NFE2L2: variants seen among roughly 807,000 people sequenced by gnomAD.
NFE2L2 encodes the protein nuclear factor erythroid 2-related factor 2.
NFE2L2 carries 20 observed loss-of-function variants against 49.6 expected under a neutral mutation model. The observed-to-expected ratio is 0.40, with a 90% CI of 0.28 to 0.59. The LOEUF (loss-of-function observed/expected upper bound fraction) is 0.59, where lower values mean the gene tolerates loss of function less well. Ranked by LOEUF, NFE2L2 falls within the 20% of genes least tolerant of loss-of-function variation. The pLI, the probability that NFE2L2 is intolerant of heterozygous loss-of-function variation, is 0.40. For synonymous variants in NFE2L2, 244 were observed against 256.5 expected (o/e 0.95, Z 0.47); for missense variants, 578 against 714.2 (o/e 0.81, Z 2.17).
chr2:177,234,678 C>T (rs1403751221), intron 1 of NFE2L2, among the ~76,000 whole-genome samples: 1 of 152,210 alleles, frequency 6.6e-6, no homozygotes, highest in Non-Finnish European at 1.5e-5. Context: ...TTACTGAATA[C>T]ATGGAGTTTT....
intron 1 of NFE2L2, among the ~76,000 whole-genome samples, chr2:177,244,716 A>C (rs1359391296): frequency 6.6e-6 from 1 of 152,188 alleles, no homozygotes; most frequent in African/African-American, 2.4e-5. Flanking sequence ...ACAAGAAGTA[A>C]ATAATCTCGG....
At chr2:177,255,536 C>T (rs897068635) in intron 1 of NFE2L2, among the ~76,000 whole-genome samples, 1 of 152,020 alleles carries the variant, frequency 6.6e-6, no homozygotes, top group African/African-American at 2.4e-5. Context: ...AGTAAACCAG[C>T]CCTGTTCCAG....
chr2:177,237,680 G>A (rs1244508475), intron 1 of NFE2L2, among the ~76,000 whole-genome samples: 2 of 152,010 alleles, frequency 1.3e-5, no homozygotes, highest in South Asian at 2.1e-4. Flanking sequence ...CACCATGCCC[G>A]GCTAATTTTT....
At chr2:177,237,557 C>T (rs141859565) in intron 1 of NFE2L2, among the ~76,000 whole-genome samples, 2,496 of 152,166 alleles carry the variant, frequency 0.016, 66 homozygotes, top group African/African-American at 0.057. Flanking sequence ...CTCGCTCTGT[C>T]GCCCAGGCTG....
chr2:177,264,658 C>CTGG lies in NFE2L2; in HGVS notation c.-85_-83dup, dbSNP rs1262255638. On this transcript the variant is annotated 5_prime_UTR_variant, in exon 1 of 5. Transcript: ENST00000397062. ...GAGGCGCGGCGCGGACAGGGCGGCT[C>CTGG]TGGTGGCGGCGGCGGCGGCGGTGGC... 3 of 1,267,534 alleles carry CTGG rather than the reference C, an allele frequency of 2.4e-6. No individual in the cohort carries two copies. Among genetic ancestry groups the CTGG allele is most frequent in the Non-Finnish European group, 3.0e-6 (3 of 994,516 alleles). 78.5% of individuals were successfully genotyped at this position (1,267,534 alleles called of 1,614,324 possible).
rs1348750969 is a variant in NFE2L2, at chr2:177,231,871, T to G, written c.732A>C (p.Pro244=). Residue 244 remains proline (P), a synonymous_variant, in exon 5 of 5, where the codon CCA becomes CCC. Transcript: ENST00000397062. ...SMEKEVGNCS[P]HFLNAFEDSF... is the part of the protein sequence containing the mutation. ...AATCCTCAAAAGCATTAAGAAAATG[T>G]GGACTACAGTTACCTACTTCTTTTT... 2 of 1,614,094 alleles carry G rather than the reference T, an allele frequency of 1.2e-6. No individual in the cohort carries two copies. Among genetic ancestry groups the G allele is most frequent in the African/African-American group, 2.7e-5 (2 of 74,932 alleles).
chr2:177,245,830 G>A (rs889716641), intron 1 of NFE2L2, among the ~76,000 whole-genome samples: 4 of 151,994 alleles, frequency 2.6e-5, no homozygotes, highest in South Asian at 2.1e-4. Context: ...AGCTGGTCTC[G>A]AACTCCTGAC....
At chr2:177,263,308 TATAA>T in intron 1 of NFE2L2, 1 of 942,900 alleles carries the variant, frequency 1.1e-6, no homozygotes, top group African/African-American at 1.8e-5. Flanking sequence ...AGGAAACATA[TATAA>T]AGTACTCAGG....
intron 1 of NFE2L2, among the ~76,000 whole-genome samples, chr2:177,251,954 C>T (rs569660558): frequency 2.3e-5 from 3 of 131,088 alleles, no homozygotes; most frequent in Non-Finnish European, 3.1e-5. Flanking sequence ...TGCAGTGAGC[C>T]GAGATCACAC....
At position 177,231,210 on chromosome 2, in the gene NFE2L2, G is replaced by T. The variant is rs1455288123; in HGVS notation, c.1393C>A (p.His465Asn). 6.2e-7 allele frequency: 1 copy of T among 1,614,090 alleles called. No homozygotes were observed. The highest frequency in any genetic ancestry group is 8.5e-7 in the Non-Finnish European group (1 of 1,180,042). ...ATTTTTTCTACAGGGAATGGGATAT[G>T]GAGAGCTTTTGCCCTAAGTTCATCT... ...TRDELRAKALHIPFPVEKIIN... is the reference protein window; with the variant it reads ...TRDELRAKALNIPFPVEKIIN... The change falls in exon 5 of 5, where the codon CAT (histidine) becomes AAT (asparagine). Residue 465 changes from histidine to asparagine, a missense_variant. Coordinates refer to ENST00000397062, the MANE Select transcript of NFE2L2 (RefSeq NM_006164.5).
chr2:177,254,983 C>A (rs1241036436), intron 1 of NFE2L2, among the ~76,000 whole-genome samples: 1 of 152,208 alleles, frequency 6.6e-6, no homozygotes, highest in Non-Finnish European at 1.5e-5. Context: ...GAGCTGGTAA[C>A]ATGAATGAAG....
intron 1 of NFE2L2, among the ~76,000 whole-genome samples, chr2:177,252,379 TCTGTCTGCTTGGGGCTCACAGGAAAAG>T (rs1489737541): frequency 4.6e-5 from 7 of 152,168 alleles, no homozygotes; most frequent in Non-Finnish European, 7.4e-5. Flanking sequence ...GATGTCCACA[TCTGTCTGCTTGGGGCTCACAGGAAAAG>T]CTCATAGGAG....
Position 177,232,456 on chromosome 2 carries a change from A to G in NFE2L2, c.530T>C (p.Leu177Ser), listed in dbSNP as rs767995415. 5.6e-6 allele frequency: 9 copies of G among 1,614,166 alleles called. No individual in the cohort carries two copies. The highest frequency in any genetic ancestry group is 7.6e-6 in the Non-Finnish European group (9 of 1,179,990). ...CTCAATGTCCTGTTGCATACCGTCT[A>G]AATCAACAGGGGCTACCTGAGCAAC... ...TSVAQVAPVD[L>S]DGMQQDIEQV... The change falls in exon 4 of 5, where the codon TTA (leucine) becomes TCA (serine). Residue 177 changes from leucine (L) to serine (S), a missense_variant. By Grantham distance (145) the Leu-to-Ser change is moderately radical (BLOSUM62 -2). This residue lies in a region of NFE2L2 where 368 missense variants were observed against 384.6 expected (regional missense o/e 0.96). Coordinates refer to ENST00000397062, the MANE Select transcript of NFE2L2 (RefSeq NM_006164.5).
At chr2:177,236,599 C>T (rs183761430) in intron 1 of NFE2L2, among the ~76,000 whole-genome samples, 1 of 152,150 alleles carries the variant, frequency 6.6e-6, no homozygotes, top group Non-Finnish European at 1.5e-5. Flanking sequence ...AAAGATACTA[C>T]CAGAAAGTGG....
At chr2:177,261,895 T>C (rs1454408054) in intron 1 of NFE2L2, among the ~76,000 whole-genome samples, 1 of 152,180 alleles carries the variant, frequency 6.6e-6, no homozygotes, top group Non-Finnish European at 1.5e-5. Flanking sequence ...AAAAATGTAC[T>C]TGTTGGGTTC....
At chr2:177,239,237 C>A (rs760477926) in intron 1 of NFE2L2, among the ~76,000 whole-genome samples, 5 of 152,162 alleles carry the variant, frequency 3.3e-5, no homozygotes, top group African/African-American at 4.8e-5. Context: ...GCAGCTCCTG[C>A]GGCCCTAGCT....
At chr2:177,246,548 T>C (rs1405551098) in intron 1 of NFE2L2, among the ~76,000 whole-genome samples, 1 of 151,976 alleles carries the variant, frequency 6.6e-6, no homozygotes, top group Non-Finnish European at 1.5e-5. Context: ...ATTTAATATA[T>C]TTTGGAGATG....
chr2:177,233,073 A>C (rs1035050529), intron 3 of NFE2L2, 177 bp downstream of exon 3: 2 of 578,048 alleles, frequency 3.5e-6, no homozygotes, highest in Non-Finnish European at 5.9e-6. Flanking sequence ...TTAATTGTAA[A>C]GTTATTTATA....
intron 1 of NFE2L2, among the ~76,000 whole-genome samples, chr2:177,236,140 A>G (rs1204491294): frequency 6.6e-6 from 1 of 152,254 alleles, no homozygotes; most frequent in Non-Finnish European, 1.5e-5. Context: ...CGCCAGACTT[A>G]GAGTTCTATT....
Sources: allele counts gnomAD v4.1 joint callset (sites outside exome capture counted in the v4.1 genomes callset), GRCh38; gene constraint gnomAD v4.1.1; regional missense constraint gnomAD v4.1.1; transcripts MANE v1.5; gene names NCBI Gene and HGNC (gene_info 2026-07-23, HGNC 2026-07-21).